IFT70B: variants seen among roughly 807,000 people sequenced by gnomAD.
IFT70B encodes intraflagellar transport 70B.
chr2:177,551,204 C>T, the IFT70B span: 2 of 1,613,810 alleles, frequency 1.2e-6, no homozygotes, highest in Non-Finnish European at 1.7e-6. Context: ...TCTTCCTCAT[C>T]AACTCCTCTG....
chr2:177,551,192 A>G, the IFT70B span: 4 of 1,613,670 alleles, frequency 2.5e-6, no homozygotes, highest in Non-Finnish European at 3.4e-6. Flanking sequence ...CCTCCTTTTC[A>G]ATCTTCCTCA....
chr2:177,550,331 A>T, the IFT70B span: 1 of 153,594 alleles, frequency 6.5e-6, no homozygotes, highest in Admixed American at 6.5e-5. Context: ...GTCTATATAA[A>T]AAGTATGCAT....
the IFT70B span, chr2:177,550,904 T>A: frequency 6.2e-7 from 1 of 1,614,130 alleles, no homozygotes; most frequent in African/African-American, 1.3e-5. Context: ...TGCCATGAAG[T>A]TCACAGTGTT....
chr2:177,552,616 G>A, the IFT70B span: 15 of 1,592,506 alleles, frequency 9.4e-6, no homozygotes, highest in Admixed American at 2.7e-4. Flanking sequence ...TAGCCTAGCA[G>A]CGACAGGCCG....
At chr2:177,550,950 C>A in the IFT70B span, 1 of 1,614,004 alleles carries the variant, frequency 6.2e-7, no homozygotes, top group Non-Finnish European at 8.5e-7. Flanking sequence ...AACACTATCA[C>A]GAAGCATGAT....
chr2:177,549,437 A>G, the IFT70B span: 1 of 152,246 alleles, frequency 6.6e-6, no homozygotes, highest in Non-Finnish European at 1.5e-5. Flanking sequence ...CTTGAAGGAA[A>G]AAATCATCTC....
At chr2:177,552,389 G>A in the IFT70B span, 5 of 1,613,936 alleles carry the variant, frequency 3.1e-6, no homozygotes, top group South Asian at 3.3e-5. Context: ...GATCGCCCTC[G>A]CTGTACTTGA....
the IFT70B span, chr2:177,550,843 C>T: frequency 1.7e-5 from 27 of 1,614,082 alleles, no homozygotes; most frequent in East Asian, 8.9e-5. Flanking sequence ...TTCTTTCCAA[C>T]ATGCATTCTT....
chr2:177,552,745 C>G, the IFT70B span: 3 of 1,575,076 alleles, frequency 1.9e-6, no homozygotes, highest in Non-Finnish European at 2.6e-6. Flanking sequence ...GGGATCTGCG[C>G]GCCGCTCAGG....
chr2:177,550,587 T>G, the IFT70B span: 13 of 526,640 alleles, frequency 2.5e-5, no homozygotes, highest in South Asian at 4.2e-4. Context: ...GGGGTAAAAG[T>G]TCTTAGAATA....
chr2:177,550,112 T>C, the IFT70B span: 2 of 152,232 alleles, frequency 1.3e-5, no homozygotes, highest in African/African-American at 4.8e-5. Context: ...CTTGTTCATA[T>C]ATTTAAATTA....
chr2:177,552,305 C>G, the IFT70B span: 3 of 1,614,256 alleles, frequency 1.9e-6, no homozygotes, highest in Non-Finnish European at 2.5e-6. Context: ...GGCCATCGGT[C>G]TCATTCTCGC....
chr2:177,550,594 A>C, the IFT70B span: 72 of 552,700 alleles, frequency 1.3e-4, no homozygotes, highest in African/African-American at 1.3e-3. Context: ...AAGTTCTTAG[A>C]ATATGTCACT....
At chr2:177,552,478 C>G in the IFT70B span, 9 of 1,611,214 alleles carry the variant, frequency 5.6e-6, no homozygotes, top group East Asian at 6.7e-5. Flanking sequence ...GTGGCCTCCG[C>G]ATAAAGGCAG....
At chr2:177,549,554 A>T in the IFT70B span, 1 of 152,226 alleles carries the variant, frequency 6.6e-6, no homozygotes, top group Non-Finnish European at 1.5e-5. Flanking sequence ...ACTGCATATG[A>T]TTCAGTCTAA....
At chr2:177,550,318 A>G in the IFT70B span, 7 of 153,242 alleles carry the variant, frequency 4.6e-5, no homozygotes, top group African/African-American at 1.7e-4. Flanking sequence ...AAAATATCCT[A>G]AAGTCTATAT....
At chr2:177,552,418 G>A in the IFT70B span, 3 of 1,613,478 alleles carry the variant, frequency 1.9e-6, no homozygotes, top group Non-Finnish European at 2.5e-6. Context: ...TGCAGGCGGA[G>A]GACCCGGCTG....
the IFT70B span, chr2:177,551,222 A>AT: frequency 1.2e-6 from 2 of 1,613,690 alleles, no homozygotes; most frequent in Non-Finnish European, 8.5e-7. Context: ...CTGCTTCTTC[A>AT]TTTTGACTTG....
At chr2:177,550,385 C>A in the IFT70B span, 27 of 159,460 alleles carry the variant, frequency 1.7e-4, no homozygotes, top group Non-Finnish European at 3.3e-4. Context: ...CTCACACAAT[C>A]CCTGAAATGA....
Sources: allele counts gnomAD v4.1 joint callset, GRCh38; gene constraint gnomAD v4.1.1; transcripts MANE v1.5; gene names NCBI Gene and HGNC (gene_info 2026-07-23, HGNC 2026-07-21).